NEO1: variants seen among roughly 807,000 people sequenced by gnomAD.
NEO1 encodes neogenin.
A neutral mutation model predicts 159.7 loss-of-function variants in NEO1; 63 were observed. The observed-to-expected ratio is 0.39, with a 90% CI of 0.32 to 0.49. NEO1 has a LOEUF of 0.49. NEO1 is among the 20% of genes least tolerant of loss of function. NEO1 has a pLI of 0.85. For missense variants in NEO1, 1,615 were observed against 1,831.0 expected (o/e 0.88, Z 2.15); for synonymous variants, 633 against 662.0 (o/e 0.96, Z 0.67).
intron 3 of NEO1, among the ~76,000 whole-genome samples, chr15:73,125,620 A>G (rs2030096295): frequency 1.3e-5 from 2 of 152,220 alleles, no homozygotes; most frequent in Admixed American, 6.5e-5. Flanking sequence ...TCAAAACTCA[A>G]TATTAAGTTA....
At chr15:73,126,206 T>C (rs1247848346) in intron 3 of NEO1, among the ~76,000 whole-genome samples, 1 of 152,184 alleles carries the variant, frequency 6.6e-6, no homozygotes, top group African/African-American at 2.4e-5. Context: ...AACCAGTCAT[T>C]CCTCAAGATT....
At chr15:73,164,273 G>A (rs1340754108) in intron 5 of NEO1, among the ~76,000 whole-genome samples, 21 of 148,292 alleles carry the variant, frequency 1.4e-4, no homozygotes, top group Middle Eastern at 3.3e-3. Context: ...GCAATGGCAC[G>A]ATTGATCTCA....
chr15:73,086,898 C>G (rs754291057), intron 1 of NEO1, among the ~76,000 whole-genome samples: 36 of 152,054 alleles, frequency 2.4e-4, no homozygotes, highest in Non-Finnish European at 2.6e-4. Flanking sequence ...TCATGTGATT[C>G]ACCTGCCTCG....
At chr15:73,291,105 T>TTAC (rs1453964627) in intron 25 of NEO1, among the ~76,000 whole-genome samples, 1 of 152,200 alleles carries the variant, frequency 6.6e-6, no homozygotes, top group Non-Finnish European at 1.5e-5. Context: ...GGTTTCCCTC[T>TTAC]TACAAGAGGT....
intron 7 of NEO1, among the ~76,000 whole-genome samples, chr15:73,182,807 G>A (rs1393088331): frequency 1.3e-5 from 2 of 151,792 alleles, no homozygotes; most frequent in Admixed American, 6.5e-5. Flanking sequence ...ACAATTCAAG[G>A]TGAGGTTTGG....
chr15:73,147,403 A>G (rs1030782458), intron 5 of NEO1, among the ~76,000 whole-genome samples: 1 of 152,192 alleles, frequency 6.6e-6, no homozygotes, highest in African/African-American at 2.4e-5. Flanking sequence ...GCCACCAGCC[A>G]TCCATCAGAT....
chr15:73,084,573 C>A (rs576767888), intron 1 of NEO1, among the ~76,000 whole-genome samples: 1 of 152,112 alleles, frequency 6.6e-6, no homozygotes, highest in Non-Finnish European at 1.5e-5. Context: ...GTAAATTCCA[C>A]GTCTTGGCTA....
intron 11 of NEO1, among the ~76,000 whole-genome samples, chr15:73,249,979 G>A (rs545957627): frequency 2.6e-5 from 4 of 152,312 alleles, no homozygotes; most frequent in East Asian, 1.9e-4. Flanking sequence ...GGCTCTCAGC[G>A]TTTGTGTTTT....
chr15:73,274,224 G>A (rs896393980), intron 20 of NEO1, among the ~76,000 whole-genome samples: 7 of 152,130 alleles, frequency 4.6e-5, no homozygotes, highest in African/African-American at 1.4e-4. Context: ...ATATAAAAGA[G>A]GACACTGGTT....
At chr15:73,193,546 A>G (rs970522368) in intron 7 of NEO1, among the ~76,000 whole-genome samples, 6 of 150,026 alleles carry the variant, frequency 4.0e-5, no homozygotes, top group Non-Finnish European at 8.9e-5. Context: ...AATAAGTGTT[A>G]TTACTTACTG....
At chr15:73,194,811 AAG>A (rs1380339207) in intron 7 of NEO1, among the ~76,000 whole-genome samples, 1 of 152,200 alleles carries the variant, frequency 6.6e-6, no homozygotes, top group East Asian at 1.9e-4. Flanking sequence ...TACTTAGGAT[AAG>A]AGAGAAGAAA....
chr15:73,211,478 A>C (rs373532192), intron 7 of NEO1, among the ~76,000 whole-genome samples: 10 of 152,302 alleles, frequency 6.6e-5, no homozygotes, highest in African/African-American at 2.2e-4. Flanking sequence ...GCACTTTGGG[A>C]GGCCGAGGCG....
chr15:73,174,075 G>A (rs1315971389), intron 5 of NEO1, among the ~76,000 whole-genome samples: 1 of 148,800 alleles, frequency 6.7e-6, no homozygotes, highest in African/African-American at 2.5e-5. Context: ...ACTCCAGTCT[G>A]GGCAATAGAG....
intron 22 of NEO1, among the ~76,000 whole-genome samples, chr15:73,278,945 A>G (rs2041545651): frequency 6.6e-6 from 1 of 152,336 alleles, no homozygotes; most frequent in East Asian, 1.9e-4. Context: ...TAGAGTGGAA[A>G]GTGTCCACAG....
intron 1 of NEO1, among the ~76,000 whole-genome samples, chr15:73,090,906 T>A (rs9920186): frequency 0.53 from 81,125 of 152,002 alleles, 22,125 homozygotes; most frequent in Middle Eastern, 0.61. Flanking sequence ...AAGTACTGTG[T>A]TAAATGGTTT....
At chr15:73,143,801 A>G (rs574141259) in intron 5 of NEO1, among the ~76,000 whole-genome samples, 10 of 152,274 alleles carry the variant, frequency 6.6e-5, no homozygotes, top group African/African-American at 2.4e-4. Context: ...GACCCTCAAG[A>G]TTAGTTTACT....
At chr15:73,157,479 T>G (rs2033865813) in intron 5 of NEO1, among the ~76,000 whole-genome samples, 1 of 152,096 alleles carries the variant, frequency 6.6e-6, no homozygotes. Flanking sequence ...TTCAGGAGGG[T>G]CAAGGTGCTC....
intron 15 of NEO1, among the ~76,000 whole-genome samples, chr15:73,262,059 G>A (rs1056700171): frequency 6.6e-6 from 1 of 152,030 alleles, no homozygotes; most frequent in African/African-American, 2.4e-5. Flanking sequence ...GGGAATACCT[G>A]GATATCCATA....
intron 19 of NEO1, among the ~76,000 whole-genome samples, chr15:73,272,799 C>CT (rs892356162): frequency 6.6e-6 from 1 of 152,018 alleles, no homozygotes; most frequent in Non-Finnish European, 1.5e-5. Context: ...ATGGGAGGCA[C>CT]TAGACAGCCT....
Sources: allele counts gnomAD v4.1 joint callset (sites outside exome capture counted in the v4.1 genomes callset), GRCh38; gene constraint gnomAD v4.1.1; transcripts MANE v1.5; gene names NCBI Gene and HGNC (gene_info 2026-07-23, HGNC 2026-07-21).